COL26A1: variants seen among roughly 807,000 people sequenced by gnomAD.
COL26A1 encodes collagen alpha-1(XXVI) chain.
Under a neutral mutation model 59.3 loss-of-function variants are expected in COL26A1, and 41 were observed. The observed-to-expected ratio is 0.69, with a 90% CI of 0.54 to 0.90. The LOEUF is 0.90. Ranked by LOEUF, COL26A1 falls within the 40% of genes least tolerant of loss-of-function variation. COL26A1 has a pLI of 0.00. For synonymous variants in COL26A1, 266 were observed against 256.0 expected (o/e 1.04, Z -0.37); for missense variants, 612 against 602.3 (o/e 1.02, Z -0.17).
At chr7:101,445,309 G>A (rs1417093632) in intron 2 of COL26A1, among the ~76,000 whole-genome samples, 1 of 152,096 alleles carries the variant, frequency 6.6e-6, no homozygotes, top group African/African-American at 2.4e-5. Flanking sequence ...CGGAGACTGG[G>A]TAATTTATAA....
chr7:101,407,010 A>G (rs1792143173), intron 1 of COL26A1, among the ~76,000 whole-genome samples: 1 of 152,072 alleles, frequency 6.6e-6, no homozygotes, highest in Admixed American at 6.6e-5. Flanking sequence ...CTCTTTTCCA[A>G]TAGGGTGAGT....
At chr7:101,436,266 G>T (rs140893193) in intron 2 of COL26A1, among the ~76,000 whole-genome samples, 2,670 of 152,302 alleles carry the variant, frequency 0.018, 34 homozygotes, top group Non-Finnish European at 0.028. Context: ...CAGAAATGCA[G>T]TGGGAAGCCC....
At chr7:101,534,073 A>G (rs1018369583) in intron 4 of COL26A1, among the ~76,000 whole-genome samples, 1 of 152,192 alleles carries the variant, frequency 6.6e-6, no homozygotes, top group South Asian at 2.1e-4. Context: ...GACCTGAGGG[A>G]GGACAGGTCT....
Position 101,467,395 on chromosome 7 carries a change from C to A in COL26A1, c.385+19608C>A, listed in dbSNP as rs181707959. Among the ~76,000 whole-genome samples the A allele has an allele frequency of 1.7e-3, 245 of 146,566 alleles. 10 individuals carry two copies. The highest frequency in any genetic ancestry group is 2.9e-3 in the Non-Finnish European group (184 of 64,092). ...GATGGGGGGTGGTTTATAGATGAGCCTGAAGAGGCAGAGTCTGATTTACAC... is the reference window on the plus strand; with the variant it reads ...GATGGGGGGTGGTTTATAGATGAGCATGAAGAGGCAGAGTCTGATTTACAC... On this transcript the variant is annotated intron_variant, in intron 3 of 12. Transcript: ENST00000313669.
At chr7:101,450,668 A>G (rs1562986102) in intron 3 of COL26A1, among the ~76,000 whole-genome samples, 1 of 148,650 alleles carries the variant, frequency 6.7e-6, no homozygotes, top group Non-Finnish European at 1.5e-5. Context: ...TATATAATAT[A>G]TAGTAATTGT....
chr7:101,470,119 T>C (rs1205087026), intron 3 of COL26A1, among the ~76,000 whole-genome samples: 1 of 151,450 alleles, frequency 6.6e-6, no homozygotes, highest in Admixed American at 6.6e-5. Flanking sequence ...TTTTTTTTTT[T>C]TTCGAGACAG....
At chr7:101,412,135 G>T (rs954863036) in intron 1 of COL26A1, among the ~76,000 whole-genome samples, 20 of 152,068 alleles carry the variant, frequency 1.3e-4, no homozygotes, top group Non-Finnish European at 2.5e-4. Flanking sequence ...CAGGGGCAGA[G>T]CTTGGACACC....
At chr7:101,535,938 C>G (rs1045549466) in intron 4 of COL26A1, among the ~76,000 whole-genome samples, 2 of 152,142 alleles carry the variant, frequency 1.3e-5, no homozygotes, top group African/African-American at 4.8e-5. Flanking sequence ...GGCTGGGAGA[C>G]TCCTATCTTA....
In COL26A1 at chr7:101,363,119, C is replaced by T. The variant is rs763889124; in HGVS notation, c.87C>T (p.Ala29=). The change falls in exon 1 of 13, where the codon GCC becomes GCT. Residue 29 remains alanine (A), a synonymous_variant. Transcript: ENST00000313669. ...LATGFLYPFS[A]AALQQHGYPE... ...CCGGCTTCCTCTATCCCTTCTCGGCCGCAGCTCTGCAGCAGCACGGCTACC... is the reference window on the plus strand; with the variant it reads ...CCGGCTTCCTCTATCCCTTCTCGGCTGCAGCTCTGCAGCAGCACGGCTACC... The T allele has an allele frequency of 5.2e-6, 8 of 1,541,678 alleles. No homozygotes were observed. The South Asian group carries it at 8.3e-5, about 16-fold the overall frequency.
intron 4 of COL26A1, among the ~76,000 whole-genome samples, chr7:101,533,627 G>A (rs1795416249): frequency 6.6e-6 from 1 of 152,200 alleles, no homozygotes; most frequent in Non-Finnish European, 1.5e-5. Context: ...CAAAGGACAA[G>A]TAATTTACCT....
intron 1 of COL26A1, among the ~76,000 whole-genome samples, chr7:101,403,751 A>G (rs1269411021): frequency 1.3e-5 from 2 of 152,100 alleles, no homozygotes; most frequent in East Asian, 1.9e-4. Context: ...TGAGAGTGCC[A>G]TTTATTCAGA....
chr7:101,425,929 C>T (rs12536369), intron 2 of COL26A1, among the ~76,000 whole-genome samples: 88,522 of 150,392 alleles, frequency 0.59, 26,087 homozygotes, highest in Admixed American at 0.65. Context: ...CGGGTTCAAG[C>T]GATTGTCCTA....
rs1467406332 is a variant in COL26A1, at chr7:101,447,677, G to A, written c.282-7G>A. ...CTCATGCCCCCCTGACGCTGTCTGT[G>A]TGTTAGTTACAGGACTCTGATCAGA... On this transcript the variant is annotated splice_region_variant and splice_polypyrimidine_tract_variant and intron_variant, in intron 2 of 12. Coordinates refer to ENST00000313669, the MANE Select transcript of COL26A1 (RefSeq NM_001278563.3). The A allele has an allele frequency of 6.4e-7, 1 of 1,572,122 alleles. No individual in the cohort carries two copies. Among genetic ancestry groups the A allele is most frequent in the Non-Finnish European group, 8.7e-7 (1 of 1,154,102 alleles).
chr7:101,479,570 A>G (rs913306585), intron 3 of COL26A1, among the ~76,000 whole-genome samples: 1 of 152,216 alleles, frequency 6.6e-6, no homozygotes, highest in African/African-American at 2.4e-5. Flanking sequence ...AATTCTGCAG[A>G]GCCACTATGA....
intron 1 of COL26A1, among the ~76,000 whole-genome samples, chr7:101,387,289 C>CCATA (rs149181002): frequency 0.061 from 9,297 of 151,662 alleles, 651 homozygotes; most frequent in African/African-American, 0.16. Context: ...TGATGGAAGC[C>CCATA]CATAGCCCAG....
chr7:101,517,542 G>A, intron 3 of COL26A1, among the ~76,000 whole-genome samples: 1 of 152,258 alleles, frequency 6.6e-6, no homozygotes, highest in Non-Finnish European at 1.5e-5. Flanking sequence ...ATAATCATCA[G>A]ATCTCGCGAG....
chr7:101,504,528 G>A (rs1794767306), intron 3 of COL26A1, among the ~76,000 whole-genome samples: 1 of 152,176 alleles, frequency 6.6e-6, no homozygotes, highest in South Asian at 2.1e-4. Context: ...CCACTCCAGA[G>A]GCACCAGGGC....
At chr7:101,474,295 A>G (rs1415873745) in intron 3 of COL26A1, among the ~76,000 whole-genome samples, 1 of 152,126 alleles carries the variant, frequency 6.6e-6, no homozygotes, top group Non-Finnish European at 1.5e-5. Flanking sequence ...GAATGAATCA[A>G]CAATTACAAT....
chr7:101,449,325 C>T (rs908583596), intron 3 of COL26A1, among the ~76,000 whole-genome samples: 10 of 152,334 alleles, frequency 6.6e-5, no homozygotes, highest in African/African-American at 2.2e-4. Flanking sequence ...GTCAGCGCCA[C>T]GGCTGTGGAC....
Sources: allele counts gnomAD v4.1 joint callset (sites outside exome capture counted in the v4.1 genomes callset), GRCh38; gene constraint gnomAD v4.1.1; transcripts MANE v1.5; gene names NCBI Gene and HGNC (gene_info 2026-07-23, HGNC 2026-07-21).